FAAH2: variants seen among roughly 807,000 people sequenced by gnomAD.
FAAH2 encodes the protein fatty-acid amide hydrolase 2.
Under a neutral mutation model 36.9 loss-of-function variants are expected in FAAH2, and 60 were observed. That is an observed-to-expected ratio of 1.63 (90% CI 1.32 to 2.02). FAAH2 has a LOEUF of 2.02. Ranked by LOEUF, FAAH2 falls within the 30% of genes most tolerant of loss-of-function variation. The pLI, the probability that FAAH2 is intolerant of heterozygous loss-of-function variation, is 0.00. For synonymous variants in FAAH2, 214 were observed against 143.8 expected, an observed-to-expected ratio of 1.49 and a Z score of -3.49; for missense variants, 689 against 397.5, an observed-to-expected ratio of 1.73 and a Z score of -6.23.
intron 2 of FAAH2, among the ~76,000 whole-genome samples, chrX:57,297,360 A>G: frequency 9.1e-6 from 1 of 110,323 alleles, no homozygotes; most frequent in East Asian, 2.9e-4. Context: ...ACTAAGCTTC[A>G]TAAGTGCAGG....
intron 7 of FAAH2, among the ~76,000 whole-genome samples, chrX:57,390,233 C>T (rs2055132214): frequency 1.8e-5 from 2 of 111,738 alleles, no homozygotes; most frequent in African/African-American, 3.2e-5. Flanking sequence ...CCTGTGCTTT[C>T]GGAGATACAT....
At chrX:57,155,459 A>G in the FAAH2 span, among the ~76,000 whole-genome samples, 35 of 111,615 alleles carry the variant, frequency 3.1e-4, no homozygotes, top group Non-Finnish European at 5.7e-4. Context: ...TGGCAGTTAG[A>G]GGCCTCACCC....
At chrX:57,156,816 C>A in the FAAH2 span, among the ~76,000 whole-genome samples, 1 of 111,969 alleles carries the variant, frequency 8.9e-6, no homozygotes, top group African/African-American at 3.2e-5. Flanking sequence ...GACCACTGCA[C>A]CTGTCACCGT....
intron 1 of FAAH2, among the ~76,000 whole-genome samples, chrX:57,287,534 G>A (rs1016013645): frequency 9.0e-6 from 1 of 111,611 alleles, no homozygotes; most frequent in Non-Finnish European, 1.9e-5. Flanking sequence ...ACTCTGCCTG[G>A]GTACTTAAAC....
the FAAH2 span, among the ~76,000 whole-genome samples, chrX:57,279,563 C>T: frequency 9.0e-6 from 1 of 110,783 alleles, no homozygotes; most frequent in African/African-American, 3.3e-5. Flanking sequence ...TAACAAAACA[C>T]GTTCTGCACA....
the FAAH2 span, among the ~76,000 whole-genome samples, chrX:57,217,268 A>G: frequency 9.8e-6 from 1 of 101,925 alleles, no homozygotes; most frequent in Non-Finnish European, 2.0e-5. Context: ...TTTGTCATTC[A>G]AAAGCTATTT....
At chrX:57,272,151 A>G in the FAAH2 span, among the ~76,000 whole-genome samples, 1 of 107,687 alleles carries the variant, frequency 9.3e-6, no homozygotes, top group East Asian at 3.0e-4. Context: ...AAAGGATATC[A>G]GTGATTGAAG....
chrX:57,212,178 A>G, the FAAH2 span, among the ~76,000 whole-genome samples: 2 of 111,924 alleles, frequency 1.8e-5, no homozygotes, highest in African/African-American at 3.3e-5. Flanking sequence ...AGGCTGCTGT[A>G]AGCTGTGATT....
the FAAH2 span, among the ~76,000 whole-genome samples, chrX:57,123,633 T>A: frequency 8.9e-6 from 1 of 112,239 alleles, no homozygotes; most frequent in Non-Finnish European, 1.9e-5. Context: ...TGTAAAAGTG[T>A]TCCTATTTCT....
chrX:57,382,923 C>CTAAA (rs1401486659), intron 7 of FAAH2, among the ~76,000 whole-genome samples: 1 of 111,555 alleles, frequency 9.0e-6, no homozygotes, highest in Non-Finnish European at 1.9e-5. Flanking sequence ...TGCAAAAATC[C>CTAAA]TAAATAAAAT....
intron 10 of FAAH2, among the ~76,000 whole-genome samples, chrX:57,473,774 A>ATATTTTAGTACC (rs2057212750): frequency 9.0e-6 from 1 of 111,416 alleles, no homozygotes; most frequent in African/African-American, 3.3e-5. Flanking sequence ...GACCTTATTT[A>ATATTTTAGTACC]TATTTTAGTA....
chrX:57,345,892 T>C (rs183918097), intron 5 of FAAH2, among the ~76,000 whole-genome samples: 2 of 111,827 alleles, frequency 1.8e-5, no homozygotes, highest in African/African-American at 6.5e-5. Flanking sequence ...CAAAAGTTAT[T>C]CAGGAAAAAG....
chrX:57,322,977 T>TC (rs2053079087), intron 3 of FAAH2, among the ~76,000 whole-genome samples: 1 of 110,626 alleles, frequency 9.0e-6, no homozygotes, highest in Admixed American at 9.7e-5. Context: ...ATGCTATCCT[T>TC]CCCCACTTTC....
chrX:57,365,978 G>A (rs920578291), intron 5 of FAAH2, among the ~76,000 whole-genome samples: 63 of 111,813 alleles, frequency 5.6e-4, no homozygotes, highest in African/African-American at 2.0e-3. Flanking sequence ...TGTTTTTCAA[G>A]TTTCTCTTGT....
intron 3 of FAAH2, among the ~76,000 whole-genome samples, chrX:57,328,110 A>T (rs1380058122): frequency 2.7e-5 from 3 of 111,814 alleles, no homozygotes; most frequent in South Asian, 7.5e-4. Flanking sequence ...TCCCCTGCAG[A>T]CCCTGTTTGC....
chrX:57,123,472 T>C, the FAAH2 span, among the ~76,000 whole-genome samples: 246 of 112,473 alleles, frequency 2.2e-3, 1 homozygote, highest in Middle Eastern at 0.014. Context: ...TATGTGTGCA[T>C]GTGTCTTTAT....
chrX:57,393,319 A>T, intron 7 of FAAH2: 2 of 877,988 alleles, frequency 2.3e-6, no homozygotes, highest in Non-Finnish European at 3.4e-6. Flanking sequence ...CCATAGGGCC[A>T]CCCCTGTGCA....
intron 10 of FAAH2, among the ~76,000 whole-genome samples, chrX:57,457,616 G>C (rs1442920268): frequency 9.4e-6 from 1 of 106,517 alleles, no homozygotes; most frequent in African/African-American, 3.4e-5. Flanking sequence ...CTAAACCAAT[G>C]TACAAAAATC....
chrX:57,336,653 A>T lies in FAAH2; in HGVS notation c.623-4618A>T, dbSNP rs373514493. 4.5e-5 allele frequency among the ~76,000 whole-genome samples: 5 copies of T among 112,141 alleles called. No individual in the cohort carries two copies. The East Asian group carries it at 8.4e-4, about 19-fold the overall frequency. On this transcript the variant is annotated intron_variant, in intron 4 of 10. Coordinates refer to ENST00000374900, the MANE Select transcript of FAAH2 (RefSeq NM_174912.4). ...CCGGAATGACTTTTGACTTTTGGGT[A>T]AATAATGAAATTAACAAAGAAATCA...
Sources: gnomAD v4.1 joint callset for allele counts (sites outside exome capture counted in the v4.1 genomes callset) on GRCh38, gnomAD v4.1.1 for gene constraint, MANE v1.5 for transcripts, NCBI Gene and HGNC (gene_info 2026-07-23, HGNC 2026-07-21) for gene names.